LMO7: variants seen among roughly 807,000 people sequenced by gnomAD.
LMO7 encodes LIM domain 7.
LMO7 carries 120 observed loss-of-function variants against 206.5 expected under a neutral mutation model. The ratio of observed to expected loss-of-function variants is 0.58; its 90% CI spans 0.50 to 0.68. The LOEUF is 0.68. LMO7 is among the 30% of genes least tolerant of loss of function. The pLI, the probability that LMO7 is intolerant of heterozygous loss-of-function variation, is 0.00. For missense variants in LMO7, 1,959 were observed against 1,957.9 expected, an observed-to-expected ratio of 1.00 and a Z score of -0.01; for synonymous variants, 706 against 681.5, an observed-to-expected ratio of 1.04 and a Z score of -0.56.
rs140551235 is a variant in LMO7, at chr13:75,843,917, A to G, written c.4097+1001A>G. Among the ~76,000 whole-genome samples the G allele has an allele frequency of 4.4e-3, 676 of 152,342 alleles. 5 individuals are homozygous for G. The highest frequency in any genetic ancestry group is 0.027 in the Middle Eastern group (8 of 294). On this transcript the variant is annotated intron_variant, in intron 25 of 30. Coordinates refer to ENST00000377534, the MANE Select transcript of LMO7 (RefSeq NM_001306080.2). Reference sequence around the variant, plus strand: ...AGAATAAAAGGGGAAAAGGAAAGGGACAAGCAGGTAGTAATGGGCTGACAA... The same window carrying G: ...AGAATAAAAGGGGAAAAGGAAAGGGGCAAGCAGGTAGTAATGGGCTGACAA...
chr13:75,674,649 A>C (rs898323012), intron 1 of LMO7, among the ~76,000 whole-genome samples: 2 of 152,240 alleles, frequency 1.3e-5, no homozygotes, highest in Non-Finnish European at 2.9e-5. Context: ...ACTAAATGGA[A>C]GGACTGAATT....
intron 4 of LMO7, among the ~76,000 whole-genome samples, chr13:75,775,678 A>G (rs570180443): frequency 1.2e-3 from 177 of 152,176 alleles, no homozygotes; most frequent in Non-Finnish European, 1.9e-3. Flanking sequence ...AAGATATGTA[A>G]GTGGCTAACA....
At chr13:75,841,516 A>C in intron 23 of LMO7, 112 bp from the exon 24 acceptor site, 1 of 744,272 alleles carries the variant, frequency 1.3e-6, no homozygotes, top group Non-Finnish European at 2.2e-6. Flanking sequence ...TTTTGAGTGG[A>C]GTCCTGGGCC....
intron 1 of LMO7, chr13:75,688,535 A>C (rs1321049903): frequency 6.6e-6 from 1 of 152,370 alleles, no homozygotes; most frequent in Non-Finnish European, 1.5e-5. Context: ...CAATGTATTG[A>C]AGAAGGCTGG....
At chr13:75,773,041 G>GT (rs1460913307) in intron 4 of LMO7, among the ~76,000 whole-genome samples, 1 of 152,128 alleles carries the variant, frequency 6.6e-6, no homozygotes, top group Non-Finnish European at 1.5e-5. Flanking sequence ...TGGTGGGGAT[G>GT]TAAGTCTTGA....
intron 4 of LMO7, among the ~76,000 whole-genome samples, chr13:75,790,154 A>T (rs1231005496): frequency 6.6e-6 from 1 of 152,114 alleles, no homozygotes; most frequent in Non-Finnish European, 1.5e-5. Context: ...ATTATTCTTC[A>T]CAGAAATGTC....
intron 3 of LMO7, among the ~76,000 whole-genome samples, chr13:75,752,116 A>G (rs914820323): frequency 4.6e-5 from 7 of 151,988 alleles, no homozygotes; most frequent in Non-Finnish European, 1.0e-4. Flanking sequence ...GCACTTGTTA[A>G]AGAACATTTT....
At chr13:75,780,507 C>T (rs1035081254) in intron 4 of LMO7, among the ~76,000 whole-genome samples, 8 of 152,168 alleles carry the variant, frequency 5.3e-5, no homozygotes, top group South Asian at 4.1e-4. Flanking sequence ...CCCTGAACAT[C>T]GCTGTTATCC....
At chr13:75,668,303 ATCTCAGGTCAGG>A (rs1375103642) in intron 1 of LMO7, among the ~76,000 whole-genome samples, 1 of 152,220 alleles carries the variant, frequency 6.6e-6, no homozygotes, top group Non-Finnish European at 1.5e-5. Context: ...GGCAGTTTAA[ATCTCAGGTCAGG>A]TCTTTTTGCC....
chr13:75,783,046 A>G (rs573214901), intron 4 of LMO7, among the ~76,000 whole-genome samples: 2 of 152,260 alleles, frequency 1.3e-5, no homozygotes, highest in African/African-American at 4.8e-5. Flanking sequence ...AGTGTGGAGT[A>G]GGAACAAAGA....
At chr13:75,700,137 T>G (rs1478935051) in intron 1 of LMO7, among the ~76,000 whole-genome samples, 1 of 152,256 alleles carries the variant, frequency 6.6e-6, no homozygotes, top group African/African-American at 2.4e-5. Flanking sequence ...CCTGTTCTTT[T>G]AGGATGCCCA....
intron 25 of LMO7, among the ~76,000 whole-genome samples, 155 bp from the exon 26 acceptor site, chr13:75,845,172 A>T (rs942558234): frequency 5.3e-5 from 8 of 152,230 alleles, no homozygotes; most frequent in African/African-American, 1.4e-4. Context: ...TTTGTGAAAG[A>T]TGAAAAATTT....
intron 1 of LMO7, among the ~76,000 whole-genome samples, chr13:75,683,060 T>C (rs1431103732): frequency 6.6e-6 from 1 of 151,858 alleles, no homozygotes; most frequent in Non-Finnish European, 1.5e-5. Flanking sequence ...TTGACTTTTT[T>C]TTTCTTTTTT....
chr13:75,795,518 T>G, intron 5 of LMO7, 87 bp downstream of exon 5: 1 of 870,206 alleles, frequency 1.1e-6, no homozygotes, highest in South Asian at 1.6e-5. Flanking sequence ...AAGTATACTC[T>G]ACATCTCTTT....
At chr13:75,669,393 C>T (rs545251488) in intron 1 of LMO7, among the ~76,000 whole-genome samples, 2 of 152,262 alleles carry the variant, frequency 1.3e-5, no homozygotes, top group South Asian at 4.1e-4. Flanking sequence ...CCCGCCAAAT[C>T]TGTATGTTAT....
chr13:75,850,421 T>A (rs559633025), intron 27 of LMO7, among the ~76,000 whole-genome samples: 7 of 152,328 alleles, frequency 4.6e-5, no homozygotes, highest in African/African-American at 1.7e-4. Context: ...TGGATAAATA[T>A]GCAAAGGTAC....
chr13:75,683,825 G>A (rs1446357671), intron 1 of LMO7, among the ~76,000 whole-genome samples: 1 of 152,094 alleles, frequency 6.6e-6, no homozygotes, highest in Non-Finnish European at 1.5e-5. Context: ...CTTATAGGTT[G>A]ATTAAAAATT....
intron 4 of LMO7, among the ~76,000 whole-genome samples, chr13:75,774,302 C>T (rs2050108945): frequency 1.3e-5 from 2 of 152,024 alleles, no homozygotes; most frequent in Admixed American, 1.3e-4. Flanking sequence ...GAGGAGCATA[C>T]AGTATGTAGT....
chr13:75,626,553 T>C lies in LMO7; in HGVS notation c.225+3233T>C, dbSNP rs372623315. ...TGGGTGGGGACACAGCCAAACCATA[T>C]TGTCTACCCTCTTAACATATATATT... is the stretch of plus-strand genomic sequence containing the variant. On this transcript the variant is annotated intron_variant, in intron 2 of 29. Transcript: ENST00000341547. Among the ~76,000 whole-genome samples, 2 of 127,890 alleles carry C rather than the reference T, an allele frequency of 1.6e-5. 1 individual carries two copies. The allele number at this position is 127,890 out of a possible 152,430, so 83.9% of individuals were successfully genotyped here.
Sources: gnomAD v4.1 joint callset for allele counts (sites outside exome capture counted in the v4.1 genomes callset) on GRCh38, gnomAD v4.1.1 for gene constraint, MANE v1.5 for transcripts, NCBI Gene and HGNC (gene_info 2026-07-23, HGNC 2026-07-21) for gene names.